The following PDSS1 variants were observed in gnomAD, a reference collection of about 807,000 sequenced individuals.
PDSS1 encodes the protein all trans-polyprenyl-diphosphate synthase PDSS1.
A neutral mutation model predicts 57.5 loss-of-function variants in PDSS1; 43 were observed. The observed-to-expected ratio is 0.75, with a 90% CI of 0.59 to 0.96. The LOEUF is 0.96. Ranked by LOEUF, PDSS1 falls within the 50% of genes least tolerant of loss-of-function variation. The pLI is 0.00. For synonymous variants in PDSS1, 175 were observed against 191.3 expected (o/e 0.91, Z 0.70); for missense variants, 438 against 527.8 (o/e 0.83, Z 1.67).
At chr10:26,730,482 A>T (rs2132287642) in intron 8 of PDSS1, among the ~76,000 whole-genome samples, 1 of 151,756 alleles carries the variant, frequency 6.6e-6, no homozygotes, top group Non-Finnish European at 1.5e-5. Context: ...GGTAGTGCAC[A>T]CCTGAAGTCC....
At chr10:26,717,314 C>T (rs190925016) in intron 5 of PDSS1, among the ~76,000 whole-genome samples, 29 of 152,312 alleles carry the variant, frequency 1.9e-4, no homozygotes, top group African/African-American at 6.7e-4. Context: ...TCACTGCAAC[C>T]TCCACCTCCC....
At position 26,735,295 on chromosome 10, in the gene PDSS1, G is replaced by GA. The variant is rs1564434146; in HGVS notation, c.893dup (p.Asn298LysfsTer11). The GA allele has an allele frequency of 3.7e-6, 6 of 1,612,870 alleles. No individual in the cohort carries two copies. The highest frequency in any genetic ancestry group is 4.2e-6 in the Non-Finnish European group (5 of 1,178,874). On this transcript the variant is annotated frameshift_variant, in exon 9 of 12. Transcript: ENST00000376215. LOFTEE classifies it high-confidence loss of function. Reference sequence around the variant, plus strand: ...GTGCATGAGATCGCCTATCAGTACGGAAAAAATGTAGGAATAGCTTTTCAG... The same window carrying GA: ...GTGCATGAGATCGCCTATCAGTACGGAAAAAAATGTAGGAATAGCTTTTCAG...
At chr10:26,722,594 C>T (rs35382920) in intron 6 of PDSS1, among the ~76,000 whole-genome samples, 53,771 of 151,552 alleles carry the variant, frequency 0.35, 9,791 homozygotes, top group East Asian at 0.43. Flanking sequence ...GTCCCAGCTA[C>T]TCATGAGGCT....
chr10:26,705,336 C>T lies in PDSS1; in HGVS notation c.278C>T (p.Thr93Ile), dbSNP rs757716598. The change falls in exon 4 of 12, where the codon ACC (threonine) becomes ATC (isoleucine). Residue 93 changes from threonine to isoleucine, a missense_variant. Thr to Ile is a moderately conservative substitution (Grantham distance 89). Around this residue, in one of 2 missense-constraint regions of PDSS1, gnomAD observed 154 missense variants for 137.0 expected, o/e 1.12. Transcript: ENST00000376215. ...DSKTHSGEKYTDPFKLGWRDL... is the reference protein window; with the variant it reads ...DSKTHSGEKYIDPFKLGWRDL... The stretch of plus-strand genomic sequence containing the variant: ...AAAACACACAGTGGTGAAAAATACA[C>T]CGATCCTTTCAAACTCGGTTGGAGA... 6.2e-7 allele frequency: 1 copy of T among 1,613,004 alleles called. No homozygotes were observed. The highest frequency in any genetic ancestry group is 8.5e-7 in the Non-Finnish European group (1 of 1,179,304).
At chr10:26,734,368 T>C (rs1342669641) in intron 8 of PDSS1, among the ~76,000 whole-genome samples, 1 of 152,164 alleles carries the variant, frequency 6.6e-6, no homozygotes, top group Non-Finnish European at 1.5e-5. Context: ...ACATTTCCCC[T>C]CCAGTAGAAC....
chr10:26,729,908 T>A (rs1836110370), intron 8 of PDSS1, among the ~76,000 whole-genome samples: 1 of 37,730 alleles, frequency 2.7e-5, no homozygotes, highest in Non-Finnish European at 4.9e-5. Context: ...TGGTTCCTTT[T>A]TTTTTTTTTT....
chr10:26,712,220 C>T lies in PDSS1; in HGVS notation c.467+2452C>T, dbSNP rs567124111. ...TTCGCCATGTTGGCCAGGCTGGTCTCGAACACCTGGCCTCAGGTGATTCAC... is the reference window on the plus strand; with the variant it reads ...TTCGCCATGTTGGCCAGGCTGGTCTTGAACACCTGGCCTCAGGTGATTCAC... On this transcript the variant is annotated intron_variant, in intron 5 of 11. Coordinates refer to ENST00000376215, the MANE Select transcript of PDSS1 (RefSeq NM_014317.5). Among the ~76,000 whole-genome samples the T allele has an allele frequency of 7.1e-5, 7 of 98,314 alleles. 3 individuals carry two copies. The South Asian group carries it at 1.6e-3, about 23-fold the overall frequency. 64.5% of individuals were successfully genotyped at this position (98,314 alleles called of 152,430 possible).
At chr10:26,734,069 C>G (rs1836306425) in intron 8 of PDSS1, among the ~76,000 whole-genome samples, 1 of 152,220 alleles carries the variant, frequency 6.6e-6, no homozygotes. Context: ...CTGTTTCTCA[C>G]AGCAACCCTA....
chr10:26,704,807 AAT>A, intron 3 of PDSS1, 66 bp downstream of exon 3: 1 of 921,456 alleles, frequency 1.1e-6, no homozygotes, highest in Non-Finnish European at 1.8e-6. Context: ...TTGTTTAAAA[AAT>A]TTTTTTTGTA....
chr10:26,698,150 A>G (rs1161818391), intron 1 of PDSS1, among the ~76,000 whole-genome samples: 1 of 148,070 alleles, frequency 6.8e-6, no homozygotes, highest in Admixed American at 6.8e-5. Context: ...AGGAGCGATC[A>G]GATTGACCGC....
At chr10:26,700,022 C>G (rs985671879) in intron 1 of PDSS1, among the ~76,000 whole-genome samples, 1 of 152,190 alleles carries the variant, frequency 6.6e-6, no homozygotes, top group African/African-American at 2.4e-5. Flanking sequence ...AATTAAGCCA[C>G]GTCTTGCTCT....
At chr10:26,698,251 CA>C (rs1834936164) in intron 1 of PDSS1, among the ~76,000 whole-genome samples, 1 of 152,256 alleles carries the variant, frequency 6.6e-6, no homozygotes, top group East Asian at 1.9e-4. Context: ...ATTTTAGAGC[CA>C]AAGTGCTCAG....
chr10:26,741,483 C>T (rs1490662546), intron 10 of PDSS1, among the ~76,000 whole-genome samples: 1 of 151,472 alleles, frequency 6.6e-6, no homozygotes, highest in Non-Finnish European at 1.5e-5. Flanking sequence ...AAGACTCCAT[C>T]ACAGGAGGGG....
At position 26,709,693 on chromosome 10, in the gene PDSS1, G is replaced by A. The variant is rs371936975; in HGVS notation, c.392G>A (p.Gly131Glu). The change falls in exon 5 of 12, where the codon GGG becomes GAG. Residue 131 changes from glycine (G) to glutamate (E), a missense_variant. Physicochemically the swap from Gly to Glu is moderately conservative, Grantham distance 98. Around this residue, in one of 2 missense-constraint regions of PDSS1, gnomAD observed 284 missense variants for 390.7 expected, o/e 0.73. Coordinates refer to ENST00000376215, the MANE Select transcript of PDSS1 (RefSeq NM_014317.5). ...GAAATGTCTGAGTACTACTTTGATG[G>A]GAAAGGGAAAGCCTTTCGACCAATT... ...LKEMSEYYFD[G>E]KGKAFRPIIV... 1.2e-6 allele frequency: 2 copies of A among 1,613,188 alleles called. No individual in the cohort carries two copies. Among genetic ancestry groups the A allele is most frequent in the Non-Finnish European group, 1.7e-6 (2 of 1,179,170 alleles).
At chr10:26,707,558 T>C (rs1835276248) in intron 4 of PDSS1, among the ~76,000 whole-genome samples, 1 of 152,156 alleles carries the variant, frequency 6.6e-6, no homozygotes, top group South Asian at 2.1e-4. Context: ...CCTTGAAACA[T>C]GGTTCCCTTC....
At chr10:26,707,973 G>A (rs933138242) in intron 4 of PDSS1, among the ~76,000 whole-genome samples, 1 of 152,166 alleles carries the variant, frequency 6.6e-6, no homozygotes, top group Admixed American at 6.5e-5. Flanking sequence ...CCCAGGCCAG[G>A]CAATTCCATG....
intron 4 of PDSS1, among the ~76,000 whole-genome samples, chr10:26,707,494 G>A (rs1835272544): frequency 6.6e-6 from 1 of 152,114 alleles, no homozygotes; most frequent in South Asian, 2.1e-4. Context: ...GCTATCTACT[G>A]TAACGGACAC....
intron 8 of PDSS1, among the ~76,000 whole-genome samples, chr10:26,727,623 G>T (rs1007217228): frequency 2.0e-5 from 3 of 151,598 alleles, no homozygotes; most frequent in Non-Finnish European, 2.9e-5. Flanking sequence ...AGCCTCCCGA[G>T]TAGCTGGGAT....
At chr10:26,708,910 C>T (rs978846223) in intron 4 of PDSS1, among the ~76,000 whole-genome samples, 11 of 152,356 alleles carry the variant, frequency 7.2e-5, no homozygotes, top group South Asian at 4.1e-4. Context: ...AGGCTCCCGA[C>T]GGCCACTGGC....
Sources: allele counts gnomAD v4.1 joint callset (sites outside exome capture counted in the v4.1 genomes callset), GRCh38; gene constraint gnomAD v4.1.1; regional missense constraint gnomAD v4.1.1; transcripts MANE v1.5; gene names NCBI Gene and HGNC (gene_info 2026-07-23, HGNC 2026-07-21).